Variants in ANO2 observed in about 807,000 individuals in gnomAD.
ANO2 encodes the protein anoctamin-2.
A neutral mutation model predicts 124.2 loss-of-function variants in ANO2; 101 were observed. The ratio of observed to expected loss-of-function variants is 0.81; its 90% CI spans 0.69 to 0.96. The LOEUF is 0.96. Among genes scored for constraint, ANO2 ranks in the 40% least tolerant of loss-of-function variants. The pLI, the probability that ANO2 is intolerant of heterozygous loss-of-function variation, is 0.00. For synonymous variants in ANO2, 486 were observed against 482.5 expected, an observed-to-expected ratio of 1.01 and a Z score of -0.09; for missense variants, 1,293 against 1,274.5, an observed-to-expected ratio of 1.01 and a Z score of -0.22.
intron 14 of ANO2, among the ~76,000 whole-genome samples, chr12:5,718,941 G>A (rs1391693768): frequency 6.6e-6 from 1 of 152,174 alleles, no homozygotes; most frequent in Non-Finnish European, 1.5e-5. Context: ...CCTACTGATG[G>A]GAGGTACCGC....
At chr12:5,571,582 C>T (rs1029926459) in intron 23 of ANO2, among the ~76,000 whole-genome samples, 3 of 152,140 alleles carry the variant, frequency 2.0e-5, no homozygotes, top group African/African-American at 7.2e-5. Flanking sequence ...CATGGCAAAC[C>T]TTGTTTCCCA....
At chr12:5,829,812 A>T (rs1466359704) in intron 6 of ANO2, among the ~76,000 whole-genome samples, 1 of 152,234 alleles carries the variant, frequency 6.6e-6, no homozygotes, top group Non-Finnish European at 1.5e-5. Flanking sequence ...AGAACCAATC[A>T]TCCTACAAAA....
At chr12:5,789,685 G>A (rs1449760199) in intron 10 of ANO2, among the ~76,000 whole-genome samples, 1 of 152,196 alleles carries the variant, frequency 6.6e-6, no homozygotes, top group African/African-American at 2.4e-5. Context: ...GATCTTGAAG[G>A]TTTGTGTATT....
intron 14 of ANO2, among the ~76,000 whole-genome samples, chr12:5,690,729 G>C (rs1411857353): frequency 2.0e-5 from 3 of 152,128 alleles, no homozygotes; most frequent in Non-Finnish European, 2.9e-5. Flanking sequence ...GAGAAAGACA[G>C]TCTCACGATC....
intron 13 of ANO2, among the ~76,000 whole-genome samples, chr12:5,733,832 T>C (rs1477624602): frequency 6.6e-6 from 1 of 152,250 alleles, no homozygotes; most frequent in Non-Finnish European, 1.5e-5. Context: ...CCTCTCTGAA[T>C]TCCGAAACTT....
intron 17 of ANO2, among the ~76,000 whole-genome samples, chr12:5,614,699 A>G (rs1287699458): frequency 6.6e-6 from 1 of 152,196 alleles, no homozygotes; most frequent in Non-Finnish European, 1.5e-5. Flanking sequence ...TGATGGAGTA[A>G]TGAGAGCTCT....
intron 14 of ANO2, among the ~76,000 whole-genome samples, chr12:5,665,002 T>C (rs1405481547): frequency 3.9e-5 from 6 of 152,188 alleles, no homozygotes; most frequent in Non-Finnish European, 8.8e-5. Flanking sequence ...AGGACTTCTG[T>C]CCCTAAGCAA....
In ANO2 at chr12:5,904,044, A is replaced by T. The variant is rs1159101992; in HGVS notation, c.534+16996T>A. ...CAATTTCCTGCCTTCTGCTTTCTTC[A>T]TTAAACACTGACCTCCCCAAATGTG... On this transcript the variant is annotated intron_variant, in intron 3 of 24. Transcript: ENST00000682330. The surrounding 1 kb of genome is among the most constrained non-coding windows in gnomAD (Gnocchi z 4.1). Among the ~76,000 whole-genome samples, 2 of 152,074 alleles carry T rather than the reference A, an allele frequency of 1.3e-5. No individual in the cohort carries two copies. Among genetic ancestry groups the T allele is most frequent in the Non-Finnish European group, 2.9e-5 (2 of 68,014 alleles).
chr12:5,833,105 G>A (rs1355627595), intron 4 of ANO2, among the ~76,000 whole-genome samples: 1 of 152,172 alleles, frequency 6.6e-6, no homozygotes. Context: ...CTCTAAAACT[G>A]CGCCACGCTT....
At chr12:5,893,824 C>T (rs1326489882) in intron 3 of ANO2, among the ~76,000 whole-genome samples, 2 of 152,142 alleles carry the variant, frequency 1.3e-5, no homozygotes, top group East Asian at 3.8e-4. Flanking sequence ...ATGAACTCAT[C>T]CTTTTTTATG....
At chr12:5,940,155 G>A (rs959359736) in intron 1 of ANO2, among the ~76,000 whole-genome samples, 2 of 152,152 alleles carry the variant, frequency 1.3e-5, no homozygotes, top group African/African-American at 4.8e-5. Context: ...GCTTCTTGAG[G>A]CTCCTCCTGG....
intron 3 of ANO2, among the ~76,000 whole-genome samples, chr12:5,916,557 T>C (rs1159553172): frequency 2.7e-5 from 4 of 149,466 alleles, no homozygotes; most frequent in Admixed American, 2.7e-4. Flanking sequence ...TTTTAGTTAA[T>C]GATAATGTGT....
Position 5,571,701 on chromosome 12 carries a change from TTCTCTC to T in ANO2, c.2621+4127_2621+4132del, listed in dbSNP as rs143490808. ...CTCCTCCTCCTCCCCTCTCTCTTTC[TTCTCTC>T]TCTCTCTCTCTCTTCCATGTACACA... is the stretch of plus-strand genomic sequence containing the variant. On this transcript the variant is annotated intron_variant, in intron 23 of 24. Transcript: ENST00000682330. Among the ~76,000 whole-genome samples, 8 of 150,734 alleles carry T rather than the reference TTCTCTC, an allele frequency of 5.3e-5. No homozygotes were observed. In the East Asian group the frequency reaches 9.7e-4, roughly 18 times the overall value.
At chr12:5,698,360 G>C (rs1298480322) in intron 14 of ANO2, among the ~76,000 whole-genome samples, 1 of 152,164 alleles carries the variant, frequency 6.6e-6, no homozygotes, top group Admixed American at 6.5e-5. Flanking sequence ...CTCCAGCAAA[G>C]TCCAACAGAC....
intron 10 of ANO2, among the ~76,000 whole-genome samples, chr12:5,775,317 G>T (rs150823262): frequency 1.7e-3 from 260 of 151,896 alleles, no homozygotes; most frequent in African/African-American, 6.0e-3. Flanking sequence ...TACAAAACAA[G>T]AACAATCTCC....
Position 5,827,755 on chromosome 12 carries a change from G to A in ANO2, c.892+14C>T, listed in dbSNP as rs371655360. On this transcript the variant is annotated intron_variant, in intron 7 of 24. Transcript: ENST00000682330. ...GCGCCCGTCAGCACCCTGCCCGCGG[G>A]CTGGGGTCCTTACCCATCGTGTTGT... The A allele has an allele frequency of 1.2e-6, 2 of 1,607,276 alleles. No homozygotes were observed. The highest frequency in any genetic ancestry group is 1.7e-6 in the Non-Finnish European group (2 of 1,177,338).
chr12:5,796,857 A>C (rs1014551529), intron 10 of ANO2, among the ~76,000 whole-genome samples: 10 of 152,276 alleles, frequency 6.6e-5, no homozygotes, highest in South Asian at 2.1e-4. Context: ...TTCCACATAC[A>C]AACAGGTCTC....
intron 14 of ANO2, among the ~76,000 whole-genome samples, chr12:5,650,637 A>G (rs1171521144): frequency 6.6e-6 from 1 of 152,244 alleles, no homozygotes; most frequent in Non-Finnish European, 1.5e-5. Flanking sequence ...ATACATTAAC[A>G]ATACGAAGAC....
chr12:5,863,540 A>G (rs994800280), intron 3 of ANO2, among the ~76,000 whole-genome samples: 3 of 152,192 alleles, frequency 2.0e-5, no homozygotes, highest in African/African-American at 7.2e-5. Flanking sequence ...AATTAATAAT[A>G]ATACCACTTG....
Sources: gnomAD v4.1 joint callset for allele counts (sites outside exome capture counted in the v4.1 genomes callset) on GRCh38, gnomAD v4.1.1 for gene constraint, Gnocchi (gnomAD v3.1) non-coding constraint, MANE v1.5 for transcripts, NCBI Gene and HGNC (gene_info 2026-07-23, HGNC 2026-07-21) for gene names.